The following ITPR1 variants were observed in gnomAD, a reference collection of about 807,000 sequenced individuals.
ITPR1 encodes inositol 1,4,5-trisphosphate-gated calcium channel ITPR1.
ITPR1 carries 96 observed loss-of-function variants against 318.4 expected under a neutral mutation model. That is an observed-to-expected ratio of 0.30 (90% CI 0.26 to 0.36). ITPR1 has a LOEUF of 0.36. ITPR1 is among the 10% of genes least tolerant of loss of function. The probability of loss-of-function intolerance (pLI) is 1.00; values close to 1 mark genes in which losing one functional copy is unlikely to be tolerated. For missense variants in ITPR1, 2,440 were observed against 3,460.2 expected (o/e 0.71, Z 7.40); for synonymous variants, 1,312 against 1,289.9 (o/e 1.02, Z -0.37).
intron 4 of ITPR1, among the ~76,000 whole-genome samples, chr3:4,595,306 C>G (rs1019428756): frequency 3.3e-5 from 5 of 152,162 alleles, no homozygotes; most frequent in African/African-American, 1.2e-4. Context: ...AAAGGGAGTG[C>G]AGACTCATCT....
intron 4 of ITPR1, among the ~76,000 whole-genome samples, chr3:4,529,424 C>T (rs2083238369): frequency 6.6e-6 from 1 of 152,166 alleles, no homozygotes; most frequent in East Asian, 1.9e-4. Context: ...TTATATGGTT[C>T]TCCTGAAAGC....
intron 44 of ITPR1, chr3:4,749,313 CATT>C (rs1475540934): frequency 2.6e-5 from 4 of 152,168 alleles, no homozygotes; most frequent in African/African-American, 4.8e-5. Context: ...TTCATTTATG[CATT>C]ATTGTGGTTT....
intron 4 of ITPR1, among the ~76,000 whole-genome samples, chr3:4,614,622 A>T (rs1000526955): frequency 6.6e-6 from 1 of 152,218 alleles, no homozygotes; most frequent in Non-Finnish European, 1.5e-5. Flanking sequence ...CAGGTTCTAG[A>T]TTGATGAACA....
chr3:4,805,318 C>G (rs749239258), intron 54 of ITPR1, among the ~76,000 whole-genome samples: 1 of 152,156 alleles, frequency 6.6e-6, no homozygotes, highest in African/African-American at 2.4e-5. Context: ...TGCTCAGGTT[C>G]AAGGTCAGTG....
At chr3:4,813,859 G>A (rs1395417965) in intron 57 of ITPR1, among the ~76,000 whole-genome samples, 1 of 152,192 alleles carries the variant, frequency 6.6e-6, no homozygotes, top group Non-Finnish European at 1.5e-5. Flanking sequence ...GAAGATGAGT[G>A]ATGAAATCTG....
At chr3:4,504,845 A>G (rs2081287057) in intron 2 of ITPR1, among the ~76,000 whole-genome samples, 1 of 152,192 alleles carries the variant, frequency 6.6e-6, no homozygotes, top group Admixed American at 6.5e-5. Flanking sequence ...ATTACCATAT[A>G]TGTACCTGGG....
At chr3:4,578,132 G>A (rs1437198809) in intron 4 of ITPR1, among the ~76,000 whole-genome samples, 2 of 152,186 alleles carry the variant, frequency 1.3e-5, no homozygotes, top group Non-Finnish European at 2.9e-5. Context: ...TTGCTATAAC[G>A]CTTGACACCA....
chr3:4,548,196 G>A (rs112770787), intron 4 of ITPR1, among the ~76,000 whole-genome samples: 18 of 152,232 alleles, frequency 1.2e-4, no homozygotes, highest in Admixed American at 2.0e-4. Context: ...AGTTAAAACC[G>A]GTGGAATTGG....
chr3:4,566,662 T>C (rs1225451144), intron 4 of ITPR1, among the ~76,000 whole-genome samples: 2 of 148,592 alleles, frequency 1.3e-5, no homozygotes, highest in Non-Finnish European at 3.0e-5. Context: ...TCTGCAAAAA[T>C]TGAGGTGTTT....
intron 31 of ITPR1, among the ~76,000 whole-genome samples, chr3:4,690,930 T>C (rs182986652): frequency 1.2e-3 from 190 of 152,288 alleles, no homozygotes; most frequent in African/African-American, 4.4e-3. Flanking sequence ...TGCTAATGAG[T>C]TGTTTACTTT....
At chr3:4,560,909 A>G (rs528379679) in intron 4 of ITPR1, among the ~76,000 whole-genome samples, 3 of 152,168 alleles carry the variant, frequency 2.0e-5, no homozygotes, top group South Asian at 4.1e-4. Flanking sequence ...TTGCTAAAAG[A>G]TAGGTGCTTT....
At chr3:4,496,977 C>G (rs1251065933) in intron 2 of ITPR1, among the ~76,000 whole-genome samples, 3 of 152,168 alleles carry the variant, frequency 2.0e-5, no homozygotes, top group Non-Finnish European at 4.4e-5. Context: ...GGGCCAGTGT[C>G]TATCTTGTTT....
At chr3:4,845,004 T>G (rs1009910922) in intron 61 of ITPR1, among the ~76,000 whole-genome samples, 1 of 152,222 alleles carries the variant, frequency 6.6e-6, no homozygotes, top group African/African-American at 2.4e-5. Context: ...AAGTGTCACA[T>G]CTACTATGTG....
intron 41 of ITPR1, among the ~76,000 whole-genome samples, 177 bp from the exon 42 acceptor site, chr3:4,726,949 C>T (rs1431821927): frequency 1.3e-5 from 2 of 152,268 alleles, no homozygotes; most frequent in South Asian, 4.2e-4. Flanking sequence ...CGTTAAGCAG[C>T]ATCTAAAGTA....
intron 35 of ITPR1, 80 bp from the exon 36 acceptor site, chr3:4,702,750 T>C (rs2094682345): frequency 1.4e-6 from 2 of 1,445,750 alleles, no homozygotes; most frequent in Middle Eastern, 1.8e-4. Flanking sequence ...TTCAAGACAA[T>C]GTCTCTGTCT....
At chr3:4,811,655 T>C (rs1001055388) in intron 56 of ITPR1, among the ~76,000 whole-genome samples, 195 bp downstream of exon 56, 1 of 152,128 alleles carries the variant, frequency 6.6e-6, no homozygotes, top group African/African-American at 2.4e-5. Flanking sequence ...ATGCTAAGAG[T>C]GGGTGACCAG....
At chr3:4,824,635 C>T (rs1181160711) in intron 60 of ITPR1, among the ~76,000 whole-genome samples, 1 of 152,114 alleles carries the variant, frequency 6.6e-6, no homozygotes, top group East Asian at 1.9e-4. Context: ...AATTAGCCTC[C>T]TTTAAAAGAG....
Position 4,811,249 on chromosome 3 carries a change from T to C in ITPR1, c.7273-16T>C. ...ACATCAAGGCTTCTTAAAATTCTTT[T>C]TGTTTGTTTTCAAAGCTTTTTGATT... On this transcript the variant is annotated splice_polypyrimidine_tract_variant and intron_variant, in intron 55 of 61. Transcript: ENST00000649015. The C allele has an allele frequency of 6.6e-7, 1 of 1,523,352 alleles. No individual in the cohort carries two copies. The highest frequency in any genetic ancestry group is 1.4e-5 in the African/African-American group (1 of 71,804). 94.4% of individuals were successfully genotyped at this position (1,523,352 alleles called of 1,614,324 possible).
chr3:4,697,379 AAC>A, intron 34 of ITPR1, 107 bp downstream of exon 34: 1 of 1,080,584 alleles, frequency 9.3e-7, no homozygotes, highest in Non-Finnish European at 1.3e-6. Context: ...ACATGAAGAA[AAC>A]AGCTGCATCA....
Sources: allele counts gnomAD v4.1 joint callset (sites outside exome capture counted in the v4.1 genomes callset), GRCh38; gene constraint gnomAD v4.1.1; transcripts MANE v1.5; gene names NCBI Gene and HGNC (gene_info 2026-07-23, HGNC 2026-07-21).